Variants in SNX18 observed in about 807,000 individuals in gnomAD.
SNX18 encodes sorting nexin-18.
In SNX18, 35 loss-of-function variants were observed where a neutral mutation model predicts 48.7. The observed-to-expected ratio is 0.72, with a 90% CI of 0.55 to 0.95. SNX18 has a LOEUF of 0.95. Ranked by LOEUF, SNX18 falls within the 40% of genes least tolerant of loss-of-function variation. The pLI is 0.00. For synonymous variants in SNX18, 492 were observed against 384.7 expected (o/e 1.28, Z -3.26); for missense variants, 824 against 871.0 (o/e 0.95, Z 0.68).
At chr5:54,642,336 G>A in the SNX18 span, among the ~76,000 whole-genome samples, 1 of 151,796 alleles carries the variant, frequency 6.6e-6, no homozygotes, top group Non-Finnish European at 1.5e-5. Flanking sequence ...AAACGTGCAG[G>A]AATGGGTGTA....
the SNX18 span, among the ~76,000 whole-genome samples, chr5:54,613,388 G>A: frequency 6.6e-6 from 1 of 152,020 alleles, no homozygotes; most frequent in Admixed American, 6.6e-5. Flanking sequence ...AAGAGATCAC[G>A]CACATGAGAG....
rs758352682 is a variant in SNX18, at chr5:54,518,261, C to T, written c.309C>T (p.Ala103=). ...CCTCCTTCAAGCCGCCGCCTGACGC[C>T]TTCCAGGCGCTGCTGCAGCCACAGC... ...PPASFKPPPD[A]FQALLQPQQA... Residue 103 remains alanine, a synonymous_variant, in exon 1 of 2, where the codon GCC becomes GCT. Transcript: ENST00000381410. The T allele has an allele frequency of 9.1e-5, 134 of 1,472,294 alleles. No homozygotes were observed. Among genetic ancestry groups the T allele is most frequent in the Middle Eastern group, 5.8e-4 (3 of 5,182 alleles). 91.2% of individuals were successfully genotyped at this position (1,472,294 alleles called of 1,614,324 possible). A position where few individuals can be genotyped will look rare whatever the true frequency, so the allele number is the denominator to read the frequency against.
intron 1 of SNX18, among the ~76,000 whole-genome samples, chr5:54,542,487 CAT>C (rs1245270247): frequency 3.9e-5 from 6 of 152,238 alleles, no homozygotes; most frequent in Admixed American, 3.9e-4. Flanking sequence ...CAGAATCAGA[CAT>C]GTGTTCGCAA....
At chr5:54,532,685 C>G (rs1762271179) in intron 1 of SNX18, among the ~76,000 whole-genome samples, 4 of 152,144 alleles carry the variant, frequency 2.6e-5, no homozygotes, top group Admixed American at 2.6e-4. Flanking sequence ...TTTCAGAATT[C>G]TCCTGAAACT....
chr5:54,635,986 G>A, the SNX18 span, among the ~76,000 whole-genome samples: 5 of 152,152 alleles, frequency 3.3e-5, no homozygotes, highest in African/African-American at 1.2e-4. Context: ...TGTTGGCTCT[G>A]CCTACCATGG....
chr5:54,554,741 A>T, the SNX18 span, among the ~76,000 whole-genome samples: 4 of 152,208 alleles, frequency 2.6e-5, no homozygotes, highest in Non-Finnish European at 4.4e-5. Context: ...TTAATGCATC[A>T]TGCCTTTAAA....
chr5:54,541,202 A>G (rs1476817962), intron 1 of SNX18, among the ~76,000 whole-genome samples: 1 of 151,550 alleles, frequency 6.6e-6, no homozygotes, highest in African/African-American at 2.4e-5. Flanking sequence ...TAATTTTTGT[A>G]TTTTTAGTAG....
the SNX18 span, among the ~76,000 whole-genome samples, chr5:54,583,453 G>A: frequency 0.045 from 6,872 of 152,248 alleles, 267 homozygotes; most frequent in African/African-American, 0.1. Context: ...CTTGCTATCT[G>A]GAGAAGCTGT....
the SNX18 span, among the ~76,000 whole-genome samples, chr5:54,606,332 C>A: frequency 1.1e-4 from 17 of 152,216 alleles, no homozygotes; most frequent in Non-Finnish European, 2.2e-4. Flanking sequence ...ATTCATCTAT[C>A]ATAAAAATAA....
At chr5:54,645,350 A>G in the SNX18 span, 2 of 152,248 alleles carry the variant, frequency 1.3e-5, no homozygotes, top group African/African-American at 2.4e-5. Context: ...GATACTGTGT[A>G]TTGTGTTGCA....
the SNX18 span, among the ~76,000 whole-genome samples, chr5:54,574,889 T>A: frequency 2.6e-5 from 4 of 152,158 alleles, no homozygotes; most frequent in Admixed American, 6.5e-5. Context: ...TTTTTAGACA[T>A]TCATCAAGAC....
the SNX18 span, among the ~76,000 whole-genome samples, chr5:54,573,507 C>T: frequency 2.6e-4 from 39 of 152,192 alleles, no homozygotes; most frequent in Non-Finnish European, 1.2e-4. Flanking sequence ...TTTGCTTTTT[C>T]CTGGGGCTTT....
chr5:54,562,219 G>A, the SNX18 span, among the ~76,000 whole-genome samples: 472 of 152,288 alleles, frequency 3.1e-3, 2 homozygotes, highest in African/African-American at 0.011. Context: ...AAGAGGAGGT[G>A]ACTTGCCAGA....
At chr5:54,565,887 T>C in the SNX18 span, among the ~76,000 whole-genome samples, 1 of 152,182 alleles carries the variant, frequency 6.6e-6, no homozygotes, top group Non-Finnish European at 1.5e-5. Context: ...AATTAACCAA[T>C]GAACATGTTC....
chr5:54,556,856 A>G, the SNX18 span, among the ~76,000 whole-genome samples: 109,311 of 152,018 alleles, frequency 0.72, 39,965 homozygotes, highest in Non-Finnish European at 0.79. Flanking sequence ...ACTGTGACCC[A>G]TCTTGAATAT....
the SNX18 span, among the ~76,000 whole-genome samples, chr5:54,614,133 T>C: frequency 6.6e-6 from 1 of 152,224 alleles, no homozygotes. Flanking sequence ...GAAGTTAAAA[T>C]GTTTTGATAA....
chr5:54,647,299 C>A, the SNX18 span, among the ~76,000 whole-genome samples: 1 of 152,178 alleles, frequency 6.6e-6, no homozygotes, highest in Non-Finnish European at 1.5e-5. Flanking sequence ...AAATTCAAAT[C>A]TCTGTCTCAT....
chr5:54,633,235 G>C, the SNX18 span, among the ~76,000 whole-genome samples: 4 of 152,148 alleles, frequency 2.6e-5, no homozygotes, highest in African/African-American at 9.7e-5. Flanking sequence ...TCCTAGATCA[G>C]TGAAATCGTA....
At chr5:54,547,383 T>C (rs1364554502), downstream of SNX18, among the ~76,000 whole-genome samples, 1 of 152,262 alleles carries the variant, frequency 6.6e-6, no homozygotes, top group Admixed American at 6.5e-5. Context: ...AACTAAATGA[T>C]GGAGCTGAGA....
Sources: allele counts gnomAD v4.1 joint callset (sites outside exome capture counted in the v4.1 genomes callset), GRCh38; gene constraint gnomAD v4.1.1; transcripts MANE v1.5; gene names NCBI Gene and HGNC (gene_info 2026-07-23, HGNC 2026-07-21).